The following HOXA3 variants were observed in gnomAD, a reference collection of about 807,000 sequenced individuals.
HOXA3 encodes the protein homeobox A3, also known as homeobox protein Hox-A3.
In HOXA3, 8 loss-of-function variants were observed where a neutral mutation model predicts 30.3. That is an observed-to-expected ratio of 0.26 (90% confidence interval 0.15 to 0.48). The LOEUF (loss-of-function observed/expected upper bound fraction) is 0.48, where lower values mean the gene tolerates loss of function less well. HOXA3 is among the 20% of genes least tolerant of loss of function. HOXA3 has a pLI of 0.99. For synonymous variants in HOXA3, 323 were observed against 273.1 expected, an observed-to-expected ratio of 1.18 and a Z score of -1.80; for missense variants, 653 against 614.4, an observed-to-expected ratio of 1.06 and a Z score of -0.66.
chr7:27,141,754 A>G lies in HOXA3; in HGVS notation c.-493-1568T>C, dbSNP rs73290303. ...AGGGCTTCTTCACAGAAGGAACACAAGGGAGTTTCAGAAAGTCACCTTAGT... is the reference window on the plus strand; with the variant it reads ...AGGGCTTCTTCACAGAAGGAACACAGGGGAGTTTCAGAAAGTCACCTTAGT... On this transcript the variant is annotated intron_variant, in intron 1 of 5. Coordinates refer to ENST00000612286, the MANE Select transcript of HOXA3 (RefSeq NM_153631.3). 3.3e-3 allele frequency: 5,003 copies of G among 1,523,358 alleles called. 129 individuals carry two copies. The African/African-American group carries it at 0.056, about 17-fold the overall frequency. 94.4% of individuals were successfully genotyped at this position (1,523,358 alleles called of 1,614,324 possible).
chr7:27,143,735 C>T (rs1782658154), intron 1 of HOXA3: 3 of 1,434,490 alleles, frequency 2.1e-6, no homozygotes, highest in East Asian at 2.6e-5. Context: ...TACGTAGGCA[C>T]CCAAATATGG....
At chr7:27,146,216 G>T (rs887816863) in intron 1 of HOXA3, among the ~76,000 whole-genome samples, 6 of 150,946 alleles carry the variant, frequency 4.0e-5, no homozygotes, top group Non-Finnish European at 8.8e-5. Flanking sequence ...TGCCCAGGTC[G>T]TGTTTTTGTG....
chr7:27,142,249 A>G (rs898282889), intron 1 of HOXA3, among the ~76,000 whole-genome samples: 1 of 152,172 alleles, frequency 6.6e-6, no homozygotes, highest in Non-Finnish European at 1.5e-5. Flanking sequence ...TCCTTTCTAG[A>G]AAGAAAACAA....
intron 3 of HOXA3, among the ~76,000 whole-genome samples, chr7:27,126,163 A>G (rs1004324716): frequency 1.3e-5 from 2 of 152,160 alleles, no homozygotes; most frequent in African/African-American, 4.8e-5. Flanking sequence ...GCAAAGTGCC[A>G]TTTTTCTTCA....
chr7:27,111,485 C>CGTGTGTGTGTGTGT (rs61655486), intron 4 of HOXA3, among the ~76,000 whole-genome samples: 7,247 of 148,826 alleles, frequency 0.049, 277 homozygotes, highest in East Asian at 0.087. Context: ...GAACACATTG[C>CGTGTGTGTGTGTGT]GTGTGTGTGT....
chr7:27,141,497 A>G (rs1782566602), intron 1 of HOXA3: 1 of 237,324 alleles, frequency 4.2e-6, no homozygotes, highest in Non-Finnish European at 8.3e-6. Flanking sequence ...CATTGGCACT[A>G]AACGAGATTG....
intron 1 of HOXA3, chr7:27,141,662 C>T (rs911271565): frequency 1.4e-5 from 10 of 728,696 alleles, no homozygotes; most frequent in Non-Finnish European, 2.0e-5. Context: ...AGCAGATCTA[C>T]TTATACAGGC....
At chr7:27,130,845 T>G (rs1583397691) in intron 2 of HOXA3, 43 of 934,872 alleles carry the variant, frequency 4.6e-5, no homozygotes, top group Admixed American at 7.9e-5. Flanking sequence ...CTCTGCGCCC[T>G]TCCCCTCCCC....
At chr7:27,122,716 G>A (rs1248405004) in intron 3 of HOXA3, 74 bp from the exon 4 acceptor site, 1 of 152,236 alleles carries the variant, frequency 6.6e-6, no homozygotes, top group East Asian at 1.9e-4. Flanking sequence ...AGTGGGAAGC[G>A]AGGCTCATGC....
intron 1 of HOXA3, among the ~76,000 whole-genome samples, chr7:27,148,229 G>T (rs1260685173): frequency 3.3e-5 from 5 of 152,274 alleles, no homozygotes; most frequent in Non-Finnish European, 7.3e-5. Flanking sequence ...TGCTCCAGGA[G>T]GGGCAGTGAC....
chr7:27,133,898 A>G (rs1474977988), intron 2 of HOXA3, among the ~76,000 whole-genome samples: 1 of 152,178 alleles, frequency 6.6e-6, no homozygotes, highest in Non-Finnish European at 1.5e-5. Flanking sequence ...TATTTGTTAG[A>G]CGCACTGACC....
At position 27,108,049 on chromosome 7, in the gene HOXA3, C is replaced by T. The variant is rs1455307732; in HGVS notation, c.1198G>A (p.Gly400Ser). ...HAASGAMDYG[G>S]AGPLGSGHHH... ...TGGCCGCTGCCCAGCGGCCCGGCAC[C>T]CCCATAGTCCATGGCGCCCGAGGCA... The change falls in exon 6 of 6, where the codon GGT becomes AGT. Residue 400 changes from glycine to serine, a missense_variant. Coordinates refer to ENST00000612286, the MANE Select transcript of HOXA3 (RefSeq NM_153631.3). The surrounding 1 kb of genome is among the most constrained non-coding windows in gnomAD (Gnocchi z 5.0). The T allele has an allele frequency of 1.2e-6, 2 of 1,612,866 alleles. No individual in the cohort carries two copies. The highest frequency in any genetic ancestry group is 1.7e-6 in the Non-Finnish European group (2 of 1,179,354).
intron 4 of HOXA3, chr7:27,116,003 T>C (rs1046212909): frequency 3.3e-5 from 5 of 152,702 alleles, no homozygotes; most frequent in Admixed American, 2.6e-4. Flanking sequence ...TGTTTTGTTT[T>C]TTAAGCGAAA....
chr7:27,115,417 C>T (rs980946940), intron 4 of HOXA3: 2 of 152,186 alleles, frequency 1.3e-5, no homozygotes, highest in African/African-American at 4.8e-5. Flanking sequence ...AAAATCCGTT[C>T]GGCGGCATTT....
At chr7:27,121,795 T>C (rs771641951) in intron 4 of HOXA3, 6 of 152,644 alleles carry the variant, frequency 3.9e-5, no homozygotes, top group Non-Finnish European at 7.3e-5. Flanking sequence ...AACAGGCATG[T>C]AATTTATGGA....
chr7:27,110,621 T>C lies in HOXA3; in HGVS notation c.20A>G (p.Tyr7Cys), dbSNP rs757907805. Reference sequence around the variant, plus strand: ...GCCACCGTAGATCGCCGAGCTGTCGTAGTAGGTCGCTTTTTGCATCGCGTT... The same window carrying C: ...GCCACCGTAGATCGCCGAGCTGTCGCAGTAGGTCGCTTTTTGCATCGCGTT... MQKATY[Y>C]DSSAIYGGYP... The change falls in exon 5 of 6, where the codon TAC becomes TGC. Residue 7 changes from tyrosine to cysteine, a missense_variant. This residue lies in a region of HOXA3 where 320 missense variants were observed against 321.9 expected (regional missense o/e 0.99). Coordinates refer to ENST00000612286, the MANE Select transcript of HOXA3 (RefSeq NM_153631.3). 4 of 1,604,310 alleles carry C rather than the reference T, an allele frequency of 2.5e-6. No individual in the cohort carries two copies. The highest frequency in any genetic ancestry group is 2.7e-5 in the African/African-American group (2 of 74,772).
At chr7:27,138,444 T>C (rs78126950) in intron 2 of HOXA3, among the ~76,000 whole-genome samples, 2 of 152,372 alleles carry the variant, frequency 1.3e-5, no homozygotes, top group East Asian at 3.9e-4. Context: ...TAGGTATCTT[T>C]ACCAATTAAT....
intron 2 of HOXA3, among the ~76,000 whole-genome samples, chr7:27,133,467 A>C (rs1785622810): frequency 6.6e-6 from 1 of 152,218 alleles, no homozygotes; most frequent in Non-Finnish European, 1.5e-5. Flanking sequence ...GCTAATCCTC[A>C]CACACCAACT....
In HOXA3 at chr7:27,108,319, C is replaced by CG. The variant is rs1324932179; in HGVS notation, c.927dup (p.Ala310ArgfsTer34). The stretch of plus-strand genomic sequence containing the variant: ...CTGGGCAGGGACGCAGGGTAGGAGG[C>CG]GGGGGGCAGCCCGTAGGTACCCTGG... On this transcript the variant is annotated frameshift_variant, in exon 6 of 6. Transcript: ENST00000612286. LOFTEE classifies it high-confidence loss of function. This position sits in a 1 kb window ranked among gnomAD's most constrained non-coding sequence, Gnocchi z 5.0. 3.3e-6 allele frequency: 5 copies of CG among 1,502,064 alleles called. No individual in the cohort carries two copies. The highest frequency in any genetic ancestry group is 2.3e-5 in the East Asian group (1 of 43,800). 93.0% of individuals were successfully genotyped at this position (1,502,064 alleles called of 1,614,324 possible).
Sources: gnomAD v4.1 joint callset for allele counts (sites outside exome capture counted in the v4.1 genomes callset) on GRCh38, gnomAD v4.1.1 for gene constraint, gnomAD v4.1.1 regional missense constraint, Gnocchi (gnomAD v3.1) non-coding constraint, MANE v1.5 for transcripts, NCBI Gene and HGNC (gene_info 2026-07-23, HGNC 2026-07-21) for gene names.